The following APBB2 variants were observed in gnomAD, a reference collection of about 807,000 sequenced individuals.
APBB2 encodes Fe65-like 1.
Under a neutral mutation model 82.5 loss-of-function variants are expected in APBB2, and 38 were observed. The ratio of observed to expected loss-of-function variants is 0.46; its 90% confidence interval spans 0.36 to 0.60. The LOEUF (loss-of-function observed/expected upper bound fraction) is 0.60, where lower values mean the gene tolerates loss of function less well. Among genes scored for constraint, APBB2 ranks in the 20% least tolerant of loss-of-function variants. The pLI, the probability that APBB2 is intolerant of heterozygous loss-of-function variation, is 0.00. For synonymous variants in APBB2, 341 were observed against 368.2 expected (o/e 0.93, Z 0.85); for missense variants, 772 against 972.3 (o/e 0.79, Z 2.74).
chr4:41,079,696 A>C (rs1325457594), intron 3 of APBB2, among the ~76,000 whole-genome samples: 1 of 151,998 alleles, frequency 6.6e-6, no homozygotes, highest in African/African-American at 2.4e-5. Flanking sequence ...CTACAGGCGC[A>C]GGCCATCACA....
chr4:40,859,069 TTC>T (rs1047837835), intron 12 of APBB2, among the ~76,000 whole-genome samples: 1 of 152,210 alleles, frequency 6.6e-6, no homozygotes, highest in African/African-American at 2.4e-5. Context: ...GGTTGTCTGA[TTC>T]TCTGTCTATA....
At chr4:40,866,654 T>C (rs561631505) in intron 12 of APBB2, among the ~76,000 whole-genome samples, 1 of 152,352 alleles carries the variant, frequency 6.6e-6, no homozygotes, top group South Asian at 2.1e-4. Context: ...ATTTGTTTTA[T>C]CTTCGGATTC....
At chr4:40,859,417 C>T (rs930758187) in intron 12 of APBB2, among the ~76,000 whole-genome samples, 7 of 151,950 alleles carry the variant, frequency 4.6e-5, no homozygotes, top group Non-Finnish European at 8.8e-5. Flanking sequence ...GTTGGCCAGG[C>T]TGGTCTTGAA....
chr4:41,014,485 A>G, intron 5 of APBB2, 87 bp from the exon 6 acceptor site: 1 of 1,273,908 alleles, frequency 7.8e-7, no homozygotes, highest in Non-Finnish European at 1.1e-6. Flanking sequence ...TAGAAAACTA[A>G]AAGAAGAAAT....
intron 2 of APBB2, among the ~76,000 whole-genome samples, chr4:41,120,108 T>C (rs139492878): frequency 5.2e-4 from 79 of 152,326 alleles, no homozygotes; most frequent in African/African-American, 1.7e-3. Flanking sequence ...CCACGACTAG[T>C]GACTCTGTTC....
chr4:41,122,859 C>T (rs188498343), intron 2 of APBB2, among the ~76,000 whole-genome samples: 123 of 152,258 alleles, frequency 8.1e-4, no homozygotes, highest in Admixed American at 1.7e-3. Context: ...CCATGCCCTC[C>T]GAAACCTGTC....
chr4:41,082,956 A>T (rs1220762478), intron 3 of APBB2, among the ~76,000 whole-genome samples: 1 of 152,088 alleles, frequency 6.6e-6, no homozygotes, highest in African/African-American at 2.4e-5. Context: ...TGAGGTCAGG[A>T]GATCGAGACC....
intron 2 of APBB2, among the ~76,000 whole-genome samples, chr4:41,109,279 G>GA (rs1317536460): frequency 6.1e-5 from 9 of 147,052 alleles, no homozygotes; most frequent in African/African-American, 1.5e-4. Context: ...ACTAAAAAAA[G>GA]AAAAAAATCA....
chr4:41,097,271 G>A (rs922411598), intron 3 of APBB2, among the ~76,000 whole-genome samples: 2 of 152,186 alleles, frequency 1.3e-5, no homozygotes, highest in Admixed American at 6.5e-5. Context: ...CTGTCAGCCA[G>A]TGACACTTAC....
intron 6 of APBB2, among the ~76,000 whole-genome samples, chr4:40,965,330 A>G (rs965982150): frequency 1.3e-5 from 2 of 152,226 alleles, no homozygotes; most frequent in African/African-American, 4.8e-5. Context: ...TTAGATTTAT[A>G]TATTTCCTTA....
chr4:40,855,220 A>AACCT (rs370230159), intron 12 of APBB2, among the ~76,000 whole-genome samples: 2,355 of 152,308 alleles, frequency 0.015, 61 homozygotes, highest in African/African-American at 0.054. Flanking sequence ...CAGTGCAGAG[A>AACCT]ACCTGCAATG....
chr4:41,182,427 T>G (rs1453920863), intron 1 of APBB2, among the ~76,000 whole-genome samples: 1 of 152,188 alleles, frequency 6.6e-6, no homozygotes, highest in East Asian at 1.9e-4. Flanking sequence ...TTCTACAAAT[T>G]CATGATTTAT....
chr4:40,864,439 C>T (rs1763564113), intron 12 of APBB2, among the ~76,000 whole-genome samples: 1 of 152,044 alleles, frequency 6.6e-6, no homozygotes, highest in South Asian at 2.1e-4. Flanking sequence ...AAAGGGATTG[C>T]CACAGTATCT....
intron 6 of APBB2, among the ~76,000 whole-genome samples, chr4:40,958,853 G>T (rs533312978): frequency 6.6e-6 from 1 of 152,146 alleles, no homozygotes; most frequent in African/African-American, 2.4e-5. Context: ...TGATCCTCCC[G>T]CCTCGGCCTT....
chr4:41,123,335 G>A (rs781228497), intron 2 of APBB2, among the ~76,000 whole-genome samples: 1 of 152,078 alleles, frequency 6.6e-6, no homozygotes, highest in African/African-American at 2.4e-5. Context: ...AAGAACAGCT[G>A]GTCCACTTTC....
rs371059589 is a variant in APBB2, at chr4:41,011,948, G to A, written c.835+1635C>T. Reference sequence around the variant, plus strand: ...CATAATCATGGTTAACTGCAGCCTCGAACTCCTGGTGTCAAGTGATCCTCC... The same window carrying A: ...CATAATCATGGTTAACTGCAGCCTCAAACTCCTGGTGTCAAGTGATCCTCC... On this transcript the variant is annotated intron_variant, in intron 6 of 17. Coordinates refer to ENST00000508593, the MANE Select transcript of APBB2 (RefSeq NM_004307.2). Among the ~76,000 whole-genome samples, 115 of 152,102 alleles carry A rather than the reference G, an allele frequency of 7.6e-4. 1 individual carries two copies. Among genetic ancestry groups the A allele is most frequent in the African/African-American group, 2.6e-3 (108 of 41,510 alleles).
intron 5 of APBB2, among the ~76,000 whole-genome samples, chr4:41,026,743 G>A (rs1272136080): frequency 2.0e-5 from 3 of 152,062 alleles, no homozygotes; most frequent in African/African-American, 4.8e-5. Flanking sequence ...ATGGACATTT[G>A]GGTTGTTTTC....
chr4:41,094,201 T>C (rs543972922), intron 3 of APBB2, among the ~76,000 whole-genome samples: 3 of 152,332 alleles, frequency 2.0e-5, no homozygotes, highest in Admixed American at 1.3e-4. Context: ...TCCTTACTAA[T>C]ATGAGTGACA....
At chr4:41,052,771 TTC>T (rs199562459) in intron 4 of APBB2, among the ~76,000 whole-genome samples, 31 of 105,500 alleles carry the variant, frequency 2.9e-4, no homozygotes, top group Non-Finnish European at 3.2e-4. Flanking sequence ...TCTTTCTTTC[TTC>T]TTTTTTTTTT....
Sources: allele counts gnomAD v4.1 joint callset (sites outside exome capture counted in the v4.1 genomes callset), GRCh38; gene constraint gnomAD v4.1.1; transcripts MANE v1.5; gene names NCBI Gene and HGNC (gene_info 2026-07-23, HGNC 2026-07-21).